Variants in RPS19 observed in about 807,000 individuals in gnomAD.
The protein encoded by RPS19 is ribosomal protein S19, also known as small ribosomal subunit protein eS19.
Under a neutral mutation model 20.3 loss-of-function variants are expected in RPS19, and 1 was observed. The observed-to-expected ratio is 0.05, with a 90% confidence interval of 0.02 to 0.23. The LOEUF is 0.23. Among genes scored for constraint, RPS19 ranks in the 10% least tolerant of loss-of-function variants. The pLI is 1.00. For missense variants in RPS19, 111 were observed against 192.7 expected (o/e 0.58, Z 2.51); for synonymous variants, 87 against 74.8 (o/e 1.16, Z -0.84).
In RPS19 at chr19:41,871,827, C is replaced by T. The variant is rs2074152269; in HGVS notation, c.*450C>T. 4.8e-6 allele frequency: 1 copy of T among 206,822 alleles called. No individual in the cohort carries two copies. The highest frequency in any genetic ancestry group is 7.1e-5 in the South Asian group (1 of 14,138). 12.8% of individuals were successfully genotyped at this position (206,822 alleles called of 1,614,324 possible). On this transcript the variant is annotated 3_prime_UTR_variant, in exon 6 of 6. Coordinates refer to ENST00000598742, the MANE Select transcript of RPS19 (RefSeq NM_001022.4). ...ACGAAAGGATGGCTGTGAGCTGTGA[C>T]CTCAGCTGGGCCTGGGCTGCAGAGG... is the stretch of plus-strand genomic sequence containing the variant.
chr19:41,864,564 C>T (rs1483863266), intron 3 of RPS19: 4 of 152,294 alleles, frequency 2.6e-5, no homozygotes, highest in African/African-American at 9.7e-5. Context: ...TGCTCAGATC[C>T]AGAGGGACCC....
chr19:41,871,850 AG>A lies in RPS19; in HGVS notation c.*475del, dbSNP rs1555842107. 1 of 186,228 alleles carries A rather than the reference AG, an allele frequency of 5.4e-6. No individual in the cohort carries two copies. Among genetic ancestry groups the A allele is most frequent in the Admixed American group, 5.5e-5 (1 of 18,344 alleles). The allele number at this position is 186,228 out of a possible 1,614,324, so 11.5% of individuals were successfully genotyped here. ...GACCTCAGCTGGGCCTGGGCTGCAGAGGTGGCTTCCGCTGGAGTAAAGCAAG... is the reference window on the plus strand; with the variant it reads ...GACCTCAGCTGGGCCTGGGCTGCAGAGTGGCTTCCGCTGGAGTAAAGCAAG... On this transcript the variant is annotated 3_prime_UTR_variant, in exon 6 of 6. Transcript: ENST00000598742.
At chr19:41,862,642 T>C (rs2074044252) in intron 3 of RPS19, among the ~76,000 whole-genome samples, 1 of 151,912 alleles carries the variant, frequency 6.6e-6, no homozygotes, top group South Asian at 2.1e-4. Context: ...TACATTTTTT[T>C]TTTTTTTTTT....
At chr19:41,862,889 G>A (rs1466957613) in intron 3 of RPS19, among the ~76,000 whole-genome samples, 3 of 152,130 alleles carry the variant, frequency 2.0e-5, no homozygotes, top group Non-Finnish European at 4.4e-5. Context: ...GGATGGTTGT[G>A]TGGTAGACCA....
Position 41,871,556 on chromosome 19 carries a change from A to T in RPS19, c.*179A>T. The T allele has an allele frequency of 1.6e-6, 1 of 637,570 alleles. No individual in the cohort carries two copies. The highest frequency in any genetic ancestry group is 1.7e-5 in the South Asian group (1 of 58,942). The allele number at this position is 637,570 out of a possible 1,614,324, so 39.5% of individuals were successfully genotyped here. On this transcript the variant is annotated 3_prime_UTR_variant, in exon 6 of 6. Transcript: ENST00000598742. ...CTCAGCCTCCCAAAGTGCTGGGATT[A>T]CAAGTGTGAGCCACTGTGCCTGGTC...
chr19:41,866,181 A>C (rs2123276346), intron 3 of RPS19, among the ~76,000 whole-genome samples: 1 of 152,194 alleles, frequency 6.6e-6, no homozygotes, highest in South Asian at 2.1e-4. Flanking sequence ...TGAACCTGGG[A>C]GGCGGAGCTA....
At chr19:41,866,826 C>T (rs1448795661) in intron 3 of RPS19, among the ~76,000 whole-genome samples, 3 of 151,960 alleles carry the variant, frequency 2.0e-5, no homozygotes, top group Admixed American at 6.6e-5. Flanking sequence ...ACCATCCTCG[C>T]TAACACGGTG....
chr19:41,869,167 C>T lies in RPS19; in HGVS notation c.309C>T (p.Val103=), dbSNP rs1302468356. 1.2e-6 allele frequency: 2 copies of T among 1,613,936 alleles called. No homozygotes were observed. The highest frequency in any genetic ancestry group is 2.2e-5 in the East Asian group (1 of 44,856). ...SRGSKSVARR[V]LQALEGLKMV... ...GCTCCAAGAGTGTGGCCCGCCGGGT[C>T]CTCCAAGCCCTGGAGGGGCTGAAAA... is the stretch of plus-strand genomic sequence containing the variant. Residue 103 remains valine, a synonymous_variant, in exon 4 of 6, where the codon GTC becomes GTT. Coordinates refer to ENST00000598742, the MANE Select transcript of RPS19 (RefSeq NM_001022.4).
chr19:41,862,426 A>G (rs542097936), intron 3 of RPS19, among the ~76,000 whole-genome samples: 1 of 152,152 alleles, frequency 6.6e-6, no homozygotes, highest in East Asian at 1.9e-4. Flanking sequence ...GGATGAAGAG[A>G]AGCTGACTTC....
chr19:41,862,714 C>T (rs1286607273), intron 3 of RPS19, among the ~76,000 whole-genome samples: 1 of 150,882 alleles, frequency 6.6e-6, no homozygotes, highest in African/African-American at 2.4e-5. Context: ...CTAGTTGCAT[C>T]TGCTGGTCAT....
At chr19:41,863,243 G>A (rs782260502) in intron 3 of RPS19, among the ~76,000 whole-genome samples, 2 of 152,048 alleles carry the variant, frequency 1.3e-5, no homozygotes, top group African/African-American at 2.4e-5. Context: ...AAGCTCAAGC[G>A]GTCCTCCCGC....
Position 41,861,116 on chromosome 19 carries a change from G to T in RPS19, c.76G>T (p.Gly26Trp). ...RALAAFLKKS[G>W]KLKVPEWVDT... ...TTCCCACTGTTTTGGTCTTAGGTCC[G>T]GGAAGCTGAAAGTCCCCGAATGGGT... is the stretch of plus-strand genomic sequence containing the variant. Residue 26 changes from glycine (G) to tryptophan (W), a missense_variant, in exon 3 of 6, where the codon GGG (glycine) becomes TGG (tryptophan). Transcript: ENST00000598742. 1 of 1,613,650 alleles carries T rather than the reference G, an allele frequency of 6.2e-7. No homozygotes were observed.
Position 41,871,544 on chromosome 19 carries a change from A to G in RPS19, c.*167A>G, listed in dbSNP as rs1372901272. 4.4e-5 allele frequency: 29 copies of G among 658,650 alleles called. No homozygotes were observed. Among genetic ancestry groups the G allele is most frequent in the Non-Finnish European group, 3.0e-5 (11 of 366,088 alleles). 40.8% of individuals were successfully genotyped at this position (658,650 alleles called of 1,614,324 possible). A position where few individuals can be genotyped will look rare whatever the true frequency, so the allele number is the denominator to read the frequency against. On this transcript the variant is annotated 3_prime_UTR_variant, in exon 6 of 6. Transcript: ENST00000598742. ...TGATTCTCCTGCCTCAGCCTCCCAA[A>G]GTGCTGGGATTACAAGTGTGAGCCA...
At chr19:41,861,313 G>A (rs1555839238) in intron 3 of RPS19, 101 bp downstream of exon 3, 9 of 848,084 alleles carry the variant, frequency 1.1e-5, no homozygotes, top group Admixed American at 1.9e-5. Context: ...GCCCCAAGAG[G>A]GAGAGAAACC....
At chr19:41,866,460 TG>T (rs1304269083) in intron 3 of RPS19, among the ~76,000 whole-genome samples, 1 of 151,914 alleles carries the variant, frequency 6.6e-6, no homozygotes, top group Non-Finnish European at 1.5e-5. Context: ...GGCAGGATTG[TG>T]GGGGGTGGCT....
At chr19:41,869,569 C>CT in intron 4 of RPS19, 130 bp from the exon 5 acceptor site, 1 of 942,328 alleles carries the variant, frequency 1.1e-6, no homozygotes, top group Non-Finnish European at 1.7e-6. Flanking sequence ...ATGCACCTGA[C>CT]TAGGGCCCTC....
chr19:41,868,668 C>T (rs147776168), intron 3 of RPS19, among the ~76,000 whole-genome samples: 114 of 152,186 alleles, frequency 7.5e-4, no homozygotes, highest in Non-Finnish European at 1.4e-3. Flanking sequence ...TGAGGTGGCC[C>T]GGAGAGTGGC....
intron 2 of RPS19, 48 bp downstream of exon 2, chr19:41,860,893 G>A: frequency 6.6e-7 from 1 of 1,524,772 alleles, no homozygotes; most frequent in South Asian, 1.1e-5. Flanking sequence ...TGTCGCCTTG[G>A]CCTGCCCATC....
At chr19:41,863,381 G>C (rs528663297) in intron 3 of RPS19, among the ~76,000 whole-genome samples, 59 of 152,340 alleles carry the variant, frequency 3.9e-4, no homozygotes, top group African/African-American at 1.4e-3. Flanking sequence ...TTACCAAAGA[G>C]GAAGCTGTGG....
Sources: gnomAD v4.1 joint callset for allele counts (sites outside exome capture counted in the v4.1 genomes callset) on GRCh38, gnomAD v4.1.1 for gene constraint, MANE v1.5 for transcripts, NCBI Gene and HGNC (gene_info 2026-07-23, HGNC 2026-07-21) for gene names.